The following C4orf36 variants were observed in gnomAD, a reference collection of about 807,000 sequenced individuals.
The protein encoded by C4orf36 is uncharacterized protein C4orf36.
In C4orf36, 11 loss-of-function variants were observed where a neutral mutation model predicts 12.2. That is an observed-to-expected ratio of 0.90 (90% CI 0.57 to 1.49). The LOEUF is 1.49. Ranked by LOEUF, C4orf36 falls within the 40% of genes most tolerant of loss-of-function variation. The probability of loss-of-function intolerance (pLI) is 0.00; values close to 1 mark genes in which losing one functional copy is unlikely to be tolerated. For missense variants in C4orf36, 137 were observed against 133.9 expected (o/e 1.02, Z -0.11); for synonymous variants, 54 against 51.3 (o/e 1.05, Z -0.22).
chr4:86,924,487 C>T, the C4orf36 span: 3,014 of 152,350 alleles, frequency 0.02, 110 homozygotes, highest in African/African-American at 0.068. Flanking sequence ...AGGCGTGAGC[C>T]ACCACACCAG....
At chr4:86,927,712 T>C in the C4orf36 span, among the ~76,000 whole-genome samples, 2 of 151,918 alleles carry the variant, frequency 1.3e-5, no homozygotes, top group Admixed American at 6.6e-5. Flanking sequence ...AGGTAGAGAA[T>C]TGCTTGAACC....
At chr4:86,908,361 C>T in the C4orf36 span, among the ~76,000 whole-genome samples, 1 of 151,558 alleles carries the variant, frequency 6.6e-6, no homozygotes, top group Non-Finnish European at 1.5e-5. Context: ...TTAAGGAAAA[C>T]GTAACTACAA....
the C4orf36 span, among the ~76,000 whole-genome samples, chr4:86,920,351 C>G: frequency 6.6e-6 from 1 of 152,166 alleles, no homozygotes; most frequent in East Asian, 1.9e-4. Flanking sequence ...ACTCCATTTA[C>G]AGCAATCTAG....
intron 2 of C4orf36, among the ~76,000 whole-genome samples, chr4:86,890,815 A>G (rs113836176): frequency 4.5e-4 from 68 of 152,352 alleles, no homozygotes; most frequent in African/African-American, 1.6e-3. Context: ...GCAATGTGCA[A>G]GTACTTCACA....
At chr4:86,886,420 G>A (rs1578776607) in intron 4 of C4orf36, 1 of 151,894 alleles carries the variant, frequency 6.6e-6, no homozygotes, top group East Asian at 1.9e-4. Context: ...AAATTTACAA[G>A]AAAAAAACAA....
upstream of C4orf36, among the ~76,000 whole-genome samples, chr4:86,894,361 T>C (rs537338691): frequency 6.6e-6 from 1 of 152,202 alleles, no homozygotes; most frequent in African/African-American, 2.4e-5. Context: ...TCAGGCTCAA[T>C]GTACAGCCCT....
At chr4:86,905,422 G>T in the C4orf36 span, among the ~76,000 whole-genome samples, 1,237 of 151,902 alleles carry the variant, frequency 8.1e-3, 18 homozygotes, top group African/African-American at 0.028. Flanking sequence ...TGTGGCAGTT[G>T]CGTGCCTGTA....
the C4orf36 span, among the ~76,000 whole-genome samples, chr4:86,902,183 G>A: frequency 3.3e-3 from 498 of 152,194 alleles, 1 homozygote; most frequent in Non-Finnish European, 6.1e-3. Context: ...CACTTTGGGA[G>A]GCCAAAGCGA....
intron 4 of C4orf36, among the ~76,000 whole-genome samples, chr4:86,886,065 G>C (rs1349775172): frequency 6.6e-6 from 1 of 152,164 alleles, no homozygotes; most frequent in Admixed American, 6.5e-5. Flanking sequence ...GATCATGGTG[G>C]ATAAGCTTTT....
At chr4:86,902,904 C>T in the C4orf36 span, among the ~76,000 whole-genome samples, 1 of 151,824 alleles carries the variant, frequency 6.6e-6, no homozygotes, top group Non-Finnish European at 1.5e-5. Context: ...GTATGCCAAA[C>T]AGTGTAATAA....
At chr4:86,881,114 A>C (rs1223068565) in intron 4 of C4orf36, among the ~76,000 whole-genome samples, 1 of 108,578 alleles carries the variant, frequency 9.2e-6, no homozygotes, top group Admixed American at 9.0e-5. Flanking sequence ...TGTGTAGATC[A>C]CTTTTAAGTT....
At chr4:86,921,576 T>C in the C4orf36 span, among the ~76,000 whole-genome samples, 3 of 152,236 alleles carry the variant, frequency 2.0e-5, no homozygotes, top group East Asian at 5.8e-4. Flanking sequence ...AGACTTTAGC[T>C]AACAGAATAT....
chr4:86,885,957 CA>C (rs1486438755), intron 4 of C4orf36, among the ~76,000 whole-genome samples: 1 of 152,180 alleles, frequency 6.6e-6, no homozygotes, highest in Non-Finnish European at 1.5e-5. Flanking sequence ...TGGAGATAAT[CA>C]TGTGGTTTTT....
the C4orf36 span, among the ~76,000 whole-genome samples, chr4:86,909,093 G>A: frequency 6.6e-6 from 1 of 152,178 alleles, no homozygotes; most frequent in Non-Finnish European, 1.5e-5. Context: ...TAGAATGGCT[G>A]CTGGTTCACA....
chr4:86,893,772 C>G (rs1006280246), upstream of C4orf36, among the ~76,000 whole-genome samples: 1 of 151,984 alleles, frequency 6.6e-6, no homozygotes, highest in African/African-American at 2.4e-5. Flanking sequence ...AAGTGAGCAC[C>G]GAGGAGTGAC....
the C4orf36 span, chr4:86,913,487 GCT>G: frequency 1.3e-6 from 1 of 783,042 alleles, no homozygotes; most frequent in South Asian, 1.4e-5. Context: ...TGCGTTGGAT[GCT>G]CTGTTTTGGA....
chr4:86,925,354 T>C, the C4orf36 span: 1 of 152,098 alleles, frequency 6.6e-6, no homozygotes, highest in Non-Finnish European at 1.5e-5. Flanking sequence ...CCCAAGTAGC[T>C]AGGATTATGG....
chr4:86,908,511 A>T, the C4orf36 span, among the ~76,000 whole-genome samples: 3 of 148,118 alleles, frequency 2.0e-5, no homozygotes, highest in Non-Finnish European at 3.0e-5. Context: ...GTAATATGAG[A>T]TTGGAAAGCA....
chr4:86,888,620 G>A (rs1466988794), intron 2 of C4orf36, among the ~76,000 whole-genome samples: 3 of 152,182 alleles, frequency 2.0e-5, no homozygotes, highest in Non-Finnish European at 2.9e-5. Flanking sequence ...ATTGAAGAAG[G>A]AAAGAAGGGC....
Sources: gnomAD v4.1 joint callset for allele counts (sites outside exome capture counted in the v4.1 genomes callset) on GRCh38, gnomAD v4.1.1 for gene constraint, MANE v1.5 for transcripts, NCBI Gene and HGNC (gene_info 2026-07-23, HGNC 2026-07-21) for gene names.